The following BRINP2 variants were observed in gnomAD, a reference collection of about 807,000 sequenced individuals.
The protein encoded by BRINP2 is BMP/retinoic acid-inducible neural-specific protein 2.
In BRINP2, 21 loss-of-function variants were observed where a neutral mutation model predicts 69.2. The ratio of observed to expected loss-of-function variants is 0.30; its 90% confidence interval spans 0.22 to 0.44. The LOEUF (loss-of-function observed/expected upper bound fraction) is 0.44. Among genes scored for constraint, BRINP2 ranks in the 20% least tolerant of loss-of-function variants. The pLI, the probability that BRINP2 is intolerant of heterozygous loss-of-function variation, is 1.00. For missense variants in BRINP2, 877 were observed against 986.0 expected (o/e 0.89, Z 1.48); for synonymous variants, 380 against 394.1 (o/e 0.96, Z 0.42).
intron 1 of BRINP2, among the ~76,000 whole-genome samples, chr1:177,187,096 C>T (rs567639190): frequency 6.6e-6 from 1 of 152,120 alleles, no homozygotes; most frequent in Admixed American, 6.5e-5. Context: ...TCTCCAGTGA[C>T]GGAGTTTTAG....
chr1:177,173,611 G>A (rs1406830946), intron 1 of BRINP2, among the ~76,000 whole-genome samples: 1 of 152,210 alleles, frequency 6.6e-6, no homozygotes, highest in Non-Finnish European at 1.5e-5. Context: ...AAGATGGGGA[G>A]CATCTTCCCT....
intron 1 of BRINP2, among the ~76,000 whole-genome samples, chr1:177,221,480 G>T (rs1340343233): frequency 3.3e-5 from 5 of 152,156 alleles, no homozygotes; most frequent in African/African-American, 4.8e-5. Context: ...ATAACGTATT[G>T]CACTTCTGTG....
intron 4 of BRINP2, among the ~76,000 whole-genome samples, chr1:177,265,747 C>G (rs1424189113): frequency 6.6e-6 from 1 of 152,116 alleles, no homozygotes; most frequent in African/African-American, 2.4e-5. Context: ...TGCCAAACTT[C>G]TCAGAACCTC....
Position 177,202,244 on chromosome 1 carries a change from C to G in BRINP2, c.-76-27557C>G, listed in dbSNP as rs577243759. Among the ~76,000 whole-genome samples the G allele has an allele frequency of 2.3e-3, 352 of 152,220 alleles. 2 individuals carry two copies. The highest frequency in any genetic ancestry group is 3.9e-3 in the Non-Finnish European group (264 of 68,026). On this transcript the variant is annotated intron_variant, in intron 1 of 7. Transcript: ENST00000361539. ...TTAGTTATTTCTTGCCTTCTGCTAG[C>G]TTTTGAATGTGTTTGCTCTTGCTTC...
chr1:177,257,162 G>C lies in BRINP2; in HGVS notation c.461-14G>C. On this transcript the variant is annotated splice_polypyrimidine_tract_variant and intron_variant, in intron 3 of 7. Transcript: ENST00000361539. ...CAGAGAGCGTCACCAATACACTCGT[G>C]TTGTTCACCATAGGAGAAGAGTCCC... 1 of 1,613,664 alleles carries C rather than the reference G, an allele frequency of 6.2e-7. No homozygotes were observed. Among genetic ancestry groups the C allele is most frequent in the Non-Finnish European group, 8.5e-7 (1 of 1,179,698 alleles).
chr1:177,179,705 T>C (rs982701540), intron 1 of BRINP2, among the ~76,000 whole-genome samples: 1 of 152,090 alleles, frequency 6.6e-6, no homozygotes, highest in African/African-American at 2.4e-5. Context: ...GACAGAGGCA[T>C]AGCAAAAGGG....
In BRINP2 at chr1:177,278,607, C is replaced by T; in HGVS notation, c.1057C>T (p.Leu353=). The change falls in exon 7 of 8, where the codon CTG becomes TTG. Residue 353 remains leucine (L), a synonymous_variant. Coordinates refer to ENST00000361539, the MANE Select transcript of BRINP2 (RefSeq NM_021165.4). The part of the protein sequence containing the change: ...LLKRLPDDRF[L]NSTAISQFWA... ...GAAAAGGCTGCCCGATGACCGGTTC[C>T]TGAACTCCACAGCTATCTCCCAGTT... The T allele has an allele frequency of 6.2e-7, 1 of 1,614,186 alleles. No individual in the cohort carries two copies. The highest frequency in any genetic ancestry group is 8.5e-7 in the Non-Finnish European group (1 of 1,180,036).
At chr1:177,189,553 A>C (rs1280951972) in intron 1 of BRINP2, among the ~76,000 whole-genome samples, 2 of 152,202 alleles carry the variant, frequency 1.3e-5, no homozygotes, top group East Asian at 3.9e-4. Context: ...AGATCCAAAC[A>C]ATCAGAGTAC....
At chr1:177,222,544 T>C (rs909712510) in intron 1 of BRINP2, among the ~76,000 whole-genome samples, 1 of 152,020 alleles carries the variant, frequency 6.6e-6, no homozygotes, top group African/African-American at 2.4e-5. Flanking sequence ...ACTCCTGGCC[T>C]CAGGTGATCC....
intron 1 of BRINP2, among the ~76,000 whole-genome samples, chr1:177,173,912 T>C (rs1301319179): frequency 1.3e-5 from 2 of 152,200 alleles, no homozygotes; most frequent in Non-Finnish European, 2.9e-5. Context: ...GTTTCCTGGT[T>C]AGTGTTTTGT....
At position 177,281,485 on chromosome 1, in the gene BRINP2, T is replaced by C; in HGVS notation, c.2309T>C (p.Leu770Pro). The C allele has an allele frequency of 1.9e-6, 3 of 1,612,042 alleles. No homozygotes were observed. The highest frequency in any genetic ancestry group is 2.2e-5 in the East Asian group (1 of 44,860). The change falls in exon 8 of 8, where the codon CTG becomes CCG. Residue 770 changes from leucine to proline, a missense_variant. Physicochemically the swap from Leu to Pro is moderately conservative, Grantham distance 98. Coordinates refer to ENST00000361539, the MANE Select transcript of BRINP2 (RefSeq NM_021165.4). ...QSSLRAFNSK[L>P]PNPVEYETGK... ...TCCCTGAGGGCTTTCAATTCTAAGC[T>C]GCCAAACCCTGTGGAATATGAGACC...
At chr1:177,239,029 C>A (rs528944538) in intron 2 of BRINP2, among the ~76,000 whole-genome samples, 15 of 152,274 alleles carry the variant, frequency 9.9e-5, no homozygotes, top group African/African-American at 3.6e-4. Context: ...GGGAACCTGT[C>A]CATTAATGAT....
At chr1:177,196,627 A>G (rs1254997085) in intron 1 of BRINP2, among the ~76,000 whole-genome samples, 2 of 151,996 alleles carry the variant, frequency 1.3e-5, no homozygotes, top group South Asian at 4.2e-4. Context: ...TCAAAAAAAA[A>G]AAAGAAAGAA....
At chr1:177,208,005 C>G (rs1649113760) in intron 1 of BRINP2, among the ~76,000 whole-genome samples, 2 of 150,032 alleles carry the variant, frequency 1.3e-5, no homozygotes, top group East Asian at 2.0e-4. Context: ...GGTGTAGAAC[C>G]TGGTGGTTAC....
At chr1:177,259,830 T>C (rs1361803572) in intron 4 of BRINP2, among the ~76,000 whole-genome samples, 1 of 152,180 alleles carries the variant, frequency 6.6e-6, no homozygotes, top group African/African-American at 2.4e-5. Context: ...TCTTTCAAAA[T>C]ATCACTTCTG....
In BRINP2 at chr1:177,257,369, C is replaced by A. The variant is rs1650803572; in HGVS notation, c.654C>A (p.Ala218=). Residue 218 remains alanine, a synonymous_variant, in exon 4 of 8, where the codon GCC becomes GCA. Transcript: ENST00000361539. ...TLRRLHHIQI[A]TGAIKVTETR... is the part of the protein sequence containing the mutation. ...GACGGCTGCACCATATCCAGATAGC[C>A]ACGGGGGCCATCAAGGTAATGACCT... The A allele has an allele frequency of 6.2e-7, 1 of 1,610,328 alleles. No individual in the cohort carries two copies. Among genetic ancestry groups the A allele is most frequent in the South Asian group, 1.1e-5 (1 of 90,844 alleles).
At chr1:177,172,503 A>G (rs777800346) in intron 1 of BRINP2, among the ~76,000 whole-genome samples, 39 of 152,286 alleles carry the variant, frequency 2.6e-4, no homozygotes, top group Non-Finnish European at 5.3e-4. Flanking sequence ...GGCTGCCCAC[A>G]GAAGAACCAA....
intron 2 of BRINP2, among the ~76,000 whole-genome samples, chr1:177,236,037 G>A (rs1293444814): frequency 6.6e-6 from 1 of 152,166 alleles, no homozygotes; most frequent in Non-Finnish European, 1.5e-5. Flanking sequence ...AAAATTAGAG[G>A]CAATATGGCA....
At position 177,229,804 on chromosome 1, in the gene BRINP2, C is replaced by G. The variant is rs1012892954; in HGVS notation, c.-73C>G. 1.3e-6 allele frequency: 2 copies of G among 1,504,012 alleles called. No individual in the cohort carries two copies. Among genetic ancestry groups the G allele is most frequent in the Non-Finnish European group, 1.8e-6 (2 of 1,123,690 alleles). The allele number at this position is 1,504,012 out of a possible 1,614,324, so 93.2% of individuals were successfully genotyped here. ...AATGCCTTTTGTACTTTTCCAGCTCCGAGCCCTGGAGGAGCAGCACGGAGC... is the reference window on the plus strand; with the variant it reads ...AATGCCTTTTGTACTTTTCCAGCTCGGAGCCCTGGAGGAGCAGCACGGAGC... On this transcript the variant is annotated 5_prime_UTR_variant, in exon 2 of 8. Transcript: ENST00000361539.
Sources: allele counts gnomAD v4.1 joint callset (sites outside exome capture counted in the v4.1 genomes callset), GRCh38; gene constraint gnomAD v4.1.1; transcripts MANE v1.5; gene names NCBI Gene and HGNC (gene_info 2026-07-23, HGNC 2026-07-21).